LRFN5: variants seen among roughly 807,000 people sequenced by gnomAD.
LRFN5 encodes leucine-rich repeat and fibronectin type-III domain-containing protein 5.
A neutral mutation model predicts 45.6 loss-of-function variants in LRFN5; 24 were observed. The ratio of observed to expected loss-of-function variants is 0.53; its 90% confidence interval spans 0.38 to 0.74. The LOEUF (loss-of-function observed/expected upper bound fraction) is 0.74, where lower values mean the gene tolerates loss of function less well. LRFN5 is among the 30% of genes least tolerant of loss of function. The pLI, the probability that LRFN5 is intolerant of heterozygous loss-of-function variation, is 0.00. For missense variants in LRFN5, 776 were observed against 861.5 expected, an observed-to-expected ratio of 0.90 and a Z score of 1.24; for synonymous variants, 340 against 313.8, an observed-to-expected ratio of 1.08 and a Z score of -0.88.
intron 1 of LRFN5, among the ~76,000 whole-genome samples, chr14:41,623,991 G>A (rs1283429953): frequency 1.3e-5 from 2 of 152,028 alleles, no homozygotes; most frequent in Non-Finnish European, 2.9e-5. Context: ...GTTTCCTATA[G>A]TGTAATGTAA....
intron 1 of LRFN5, among the ~76,000 whole-genome samples, chr14:41,624,033 T>A (rs1398375378): frequency 6.6e-6 from 1 of 152,024 alleles, no homozygotes; most frequent in Non-Finnish European, 1.5e-5. Flanking sequence ...GCAGAAATAA[T>A]CTCCTGAATT....
intron 1 of LRFN5, among the ~76,000 whole-genome samples, chr14:41,750,748 G>T (rs1451085647): frequency 6.6e-6 from 1 of 152,088 alleles, no homozygotes. Flanking sequence ...TTAAAATCCT[G>T]GAGTAAGGCA....
chr14:41,860,063 G>A (rs892230495), intron 2 of LRFN5, among the ~76,000 whole-genome samples: 4 of 152,120 alleles, frequency 2.6e-5, no homozygotes, highest in Non-Finnish European at 2.9e-5. Flanking sequence ...TCCAAGGACC[G>A]TGGGTACAGA....
At chr14:41,644,768 C>A (rs1879734594) in intron 1 of LRFN5, among the ~76,000 whole-genome samples, 1 of 152,148 alleles carries the variant, frequency 6.6e-6, no homozygotes, top group Non-Finnish European at 1.5e-5. Flanking sequence ...TAGTTTAATT[C>A]TCAGATGCTG....
intron 2 of LRFN5, among the ~76,000 whole-genome samples, chr14:41,817,440 A>G (rs1225213186): frequency 6.6e-6 from 1 of 152,106 alleles, no homozygotes; most frequent in Non-Finnish European, 1.5e-5. Context: ...GAAGCCTTCT[A>G]TAATCCTAGG....
At chr14:41,724,873 A>G (rs1162299842) in intron 1 of LRFN5, among the ~76,000 whole-genome samples, 3 of 152,098 alleles carry the variant, frequency 2.0e-5, no homozygotes, top group African/African-American at 7.2e-5. Flanking sequence ...TGAACTTTCT[A>G]TTTCAAACTT....
chr14:41,819,062 G>T (rs528345624), intron 2 of LRFN5, among the ~76,000 whole-genome samples: 175 of 152,170 alleles, frequency 1.2e-3, no homozygotes, highest in Non-Finnish European at 1.8e-3. Flanking sequence ...GCTGCAAAAG[G>T]CAAGGTTTTA....
At chr14:41,728,437 A>G (rs971486774) in intron 1 of LRFN5, among the ~76,000 whole-genome samples, 1 of 152,162 alleles carries the variant, frequency 6.6e-6, no homozygotes, top group African/African-American at 2.4e-5. Flanking sequence ...AAACACACAC[A>G]TCTTTGTCTT....
intron 1 of LRFN5, among the ~76,000 whole-genome samples, chr14:41,729,929 T>C (rs1451534529): frequency 6.6e-6 from 1 of 151,862 alleles, no homozygotes; most frequent in African/African-American, 2.4e-5. Context: ...AGGTGAAGAA[T>C]AATTTATTTA....
chr14:41,856,376 A>G (rs886580963), intron 2 of LRFN5, among the ~76,000 whole-genome samples: 3 of 152,194 alleles, frequency 2.0e-5, no homozygotes, highest in Non-Finnish European at 4.4e-5. Flanking sequence ...AGAAATGTAA[A>G]TAGTGCATAG....
intron 1 of LRFN5, among the ~76,000 whole-genome samples, chr14:41,664,101 A>G (rs1331726702): frequency 6.6e-6 from 1 of 151,938 alleles, no homozygotes; most frequent in Non-Finnish European, 1.5e-5. Flanking sequence ...AAACATAACT[A>G]CAAAATTAAA....
At chr14:41,817,763 G>A (rs74045451) in intron 2 of LRFN5, among the ~76,000 whole-genome samples, 2,226 of 152,194 alleles carry the variant, frequency 0.015, 48 homozygotes, top group African/African-American at 0.05. Flanking sequence ...GATAAACTCC[G>A]GGGGGTAAAA....
chr14:41,630,501 CT>C (rs1888496015), intron 1 of LRFN5, among the ~76,000 whole-genome samples: 1 of 152,052 alleles, frequency 6.6e-6, no homozygotes, highest in African/African-American at 2.4e-5. Context: ...TAATATCAAT[CT>C]GTATTGTTTG....
At chr14:41,702,421 T>C (rs1882875786) in intron 1 of LRFN5, among the ~76,000 whole-genome samples, 1 of 152,126 alleles carries the variant, frequency 6.6e-6, no homozygotes, top group Admixed American at 6.6e-5. Flanking sequence ...GCAGCTTCTA[T>C]TCAAGGGCTG....
intron 1 of LRFN5, among the ~76,000 whole-genome samples, chr14:41,671,439 C>A (rs1349847130): frequency 1.3e-5 from 2 of 152,026 alleles, no homozygotes; most frequent in East Asian, 3.9e-4. Context: ...TTTGTTCACT[C>A]CAGTCTCTCA....
intron 1 of LRFN5, among the ~76,000 whole-genome samples, chr14:41,751,795 C>A (rs115598950): frequency 6.6e-6 from 1 of 152,042 alleles, no homozygotes; most frequent in Non-Finnish European, 1.5e-5. Flanking sequence ...TTAAGTTTTA[C>A]GGTACATATA....
intron 1 of LRFN5, among the ~76,000 whole-genome samples, chr14:41,710,726 C>T (rs972924618): frequency 6.6e-6 from 1 of 152,044 alleles, no homozygotes; most frequent in African/African-American, 2.4e-5. Context: ...CCCATTAACT[C>T]GTCATTTACA....
intron 2 of LRFN5, among the ~76,000 whole-genome samples, chr14:41,779,707 C>T (rs1209518694): frequency 6.6e-6 from 1 of 151,824 alleles, no homozygotes; most frequent in South Asian, 2.1e-4. Flanking sequence ...CAGTAGTTGT[C>T]TTTCAAGGAA....
chr14:41,612,407 T>C (rs1887788012), intron 1 of LRFN5, among the ~76,000 whole-genome samples: 1 of 152,156 alleles, frequency 6.6e-6, no homozygotes, highest in Non-Finnish European at 1.5e-5. Context: ...ATTTTCTGTT[T>C]ACTTAAAAAT....
Sources: allele counts gnomAD v4.1 joint callset (sites outside exome capture counted in the v4.1 genomes callset), GRCh38; gene constraint gnomAD v4.1.1; transcripts MANE v1.5; gene names NCBI Gene and HGNC (gene_info 2026-07-23, HGNC 2026-07-21).